TNRC18: variants seen among roughly 807,000 people sequenced by gnomAD.
TNRC18 encodes the protein trinucleotide repeat-containing gene 18 protein.
Under a neutral mutation model 226.7 loss-of-function variants are expected in TNRC18, and 69 were observed. The observed-to-expected ratio is 0.30, with a 90% CI of 0.25 to 0.37. The LOEUF is 0.37. TNRC18 is among the 10% of genes least tolerant of loss of function. The pLI, the probability that TNRC18 is intolerant of heterozygous loss-of-function variation, is 1.00. For synonymous variants in TNRC18, 2,449 were observed against 1,927.6 expected (o/e 1.27, Z -7.09); for missense variants, 4,754 against 4,256.6 (o/e 1.12, Z -3.25).
intron 18 of TNRC18, 58 bp from the exon 19 acceptor site, chr7:5,333,107 C>G (rs1583807680): frequency 6.6e-7 from 1 of 1,521,496 alleles, no homozygotes; most frequent in East Asian, 2.5e-5. Flanking sequence ...TTCCCTCCCA[C>G]CCAGCCACAT....
chr7:5,315,083 C>T lies in TNRC18; in HGVS notation c.6928G>A (p.Asp2310Asn). The change falls in exon 26 of 30, where the codon GAC becomes AAC. Residue 2310 changes from aspartate (D) to asparagine (N), a missense_variant. Asp to Asn is a conservative substitution (Grantham distance 23). Coordinates refer to ENST00000430969, the MANE Select transcript of TNRC18 (RefSeq NM_001080495.3). ...AKRRSRKTSK[D>N]TGEGKDGGTA... Reference sequence around the variant, plus strand: ...CCACCATCTTTGCCCTCCCCAGTGTCTTTGCTGGTCTTCCGGCTGCGGCGC... The same window carrying T: ...CCACCATCTTTGCCCTCCCCAGTGTTTTTGCTGGTCTTCCGGCTGCGGCGC... The T allele has an allele frequency of 6.2e-7, 1 of 1,612,820 alleles. No homozygotes were observed.
intron 2 of TNRC18, among the ~76,000 whole-genome samples, chr7:5,395,640 G>A (rs982186785): frequency 6.6e-6 from 1 of 152,244 alleles, no homozygotes; most frequent in African/African-American, 2.4e-5. Flanking sequence ...ACAAAATGGA[G>A]ATAAACATGC....
At chr7:5,410,884 A>G (rs1281342347) in intron 2 of TNRC18, among the ~76,000 whole-genome samples, 82 of 146,604 alleles carry the variant, frequency 5.6e-4, no homozygotes, top group Middle Eastern at 3.7e-3. Flanking sequence ...AAAAAAAAAA[A>G]GGGAAGAGAA....
At chr7:5,387,384 T>C (rs1337451881) in intron 5 of TNRC18, among the ~76,000 whole-genome samples, 1 of 152,240 alleles carries the variant, frequency 6.6e-6, no homozygotes, top group Non-Finnish European at 1.5e-5. Flanking sequence ...CAAGACCATC[T>C]GTTCTCAGGA....
At chr7:5,332,513 A>G (rs1562503607) in intron 19 of TNRC18, 109 bp downstream of exon 19, 20 of 1,260,832 alleles carry the variant, frequency 1.6e-5, no homozygotes, top group East Asian at 3.0e-5. Flanking sequence ...AGCCGAGTAC[A>G]TGGTTATTAA....
intron 2 of TNRC18, among the ~76,000 whole-genome samples, chr7:5,408,509 G>A (rs1040001526): frequency 6.6e-6 from 1 of 151,944 alleles, no homozygotes; most frequent in Non-Finnish European, 1.5e-5. Context: ...TTAGCCGGGT[G>A]TGGCAGCGCG....
Position 5,352,040 on chromosome 7 carries a change from C to T in TNRC18, c.5249G>A (p.Gly1750Asp), listed in dbSNP as rs1210826871. ...EFLKDEWPAQ[G>D]PSSSKLTPSL... ...AGGCGTCAGTTTGGAGCTGGAGGGG[C>T]CTTGGGCGGGCCACTCGTCCTTCAG... The change falls in exon 17 of 30, where the codon GGC becomes GAC. Residue 1750 changes from glycine to aspartate, a missense_variant. Physicochemically the swap from Gly to Asp is moderately conservative, Grantham distance 94. Transcript: ENST00000430969. 2 of 1,613,656 alleles carry T rather than the reference C, an allele frequency of 1.2e-6. No individual in the cohort carries two copies. The highest frequency in any genetic ancestry group is 2.2e-5 in the East Asian group (1 of 44,872).
At chr7:5,412,555 G>C (rs1312053337) in intron 2 of TNRC18, among the ~76,000 whole-genome samples, 1 of 151,674 alleles carries the variant, frequency 6.6e-6, no homozygotes, top group Non-Finnish European at 1.5e-5. Context: ...CAGCCTGGGA[G>C]ACAGAGCGAG....
chr7:5,386,300 A>C (rs1403531725), intron 5 of TNRC18, among the ~76,000 whole-genome samples: 4 of 151,656 alleles, frequency 2.6e-5, no homozygotes, highest in Admixed American at 6.6e-5. Context: ...AAAACAACAA[A>C]AAAAAAGTGA....
At chr7:5,347,729 T>C (rs1256186054) in intron 17 of TNRC18, among the ~76,000 whole-genome samples, 5 of 151,042 alleles carry the variant, frequency 3.3e-5, no homozygotes, top group Non-Finnish European at 5.9e-5. Context: ...GGCCAAGGCA[T>C]GTGGATCATG....
At chr7:5,361,091 C>G (rs1460404159) in intron 14 of TNRC18, among the ~76,000 whole-genome samples, 1 of 152,210 alleles carries the variant, frequency 6.6e-6, no homozygotes, top group African/African-American at 2.4e-5. Flanking sequence ...TTCAGAAAGA[C>G]CCACACAGGT....
At position 5,345,517 on chromosome 7, in the gene TNRC18, G is replaced by GCGC; in HGVS notation, c.5719+44_5719+45insGCG. On this transcript the variant is annotated intron_variant, in intron 18 of 29. Coordinates refer to ENST00000430969, the MANE Select transcript of TNRC18 (RefSeq NM_001080495.3). ...CCTGTGGGATGGGGCAATGGCGTCCGCCCCTCCCACCCACCCCCACCGCAG... is the reference window on the plus strand; with the variant it reads ...CCTGTGGGATGGGGCAATGGCGTCCGCGCCCCCTCCCACCCACCCCCACCGCAG... The GCGC allele has an allele frequency of 2.9e-5, 11 of 377,740 alleles. 1 individual carries two copies. The highest frequency in any genetic ancestry group is 1.8e-4 in the South Asian group (4 of 22,822). 23.4% of individuals were successfully genotyped at this position (377,740 alleles called of 1,614,324 possible).
chr7:5,327,692 T>C (rs1319477917), intron 19 of TNRC18, among the ~76,000 whole-genome samples: 2 of 152,186 alleles, frequency 1.3e-5, no homozygotes, highest in Admixed American at 1.3e-4. Context: ...AGTAACTGTT[T>C]CTTTCCCTTT....
At position 5,388,764 on chromosome 7, in the gene TNRC18, C is replaced by G. The variant is rs1386607434; in HGVS notation, c.1060G>C (p.Ala354Pro). The change falls in exon 5 of 30, where the codon GCC (alanine) becomes CCC (proline). Residue 354 changes from alanine to proline, a missense_variant. Transcript: ENST00000430969. ...GPPAPPAATP[A>P]GVYTVFREQG... ...TCGCGGAAGACGGTGTAGACGCCGG[C>G]GGGGGTGGCCGCGGGGGGTGCAGGA... 4 of 1,195,228 alleles carry G rather than the reference C, an allele frequency of 3.3e-6. No homozygotes were observed. Among genetic ancestry groups the G allele is most frequent in the Non-Finnish European group, 4.2e-6 (4 of 963,676 alleles). 74.0% of individuals were successfully genotyped at this position (1,195,228 alleles called of 1,614,324 possible).
At chr7:5,328,942 A>C (rs1028307067) in intron 19 of TNRC18, among the ~76,000 whole-genome samples, 38 of 152,154 alleles carry the variant, frequency 2.5e-4, no homozygotes, top group African/African-American at 9.2e-4. Context: ...GTCAGCTACA[A>C]TCACCACTGC....
rs1467761729 is a variant in TNRC18, at chr7:5,389,260, G to A, written c.564C>T (p.Gly188=). The part of the protein sequence containing the change: ...SHAPSARTPG[G]GHSSGAPAKG... ...TGGCCGGGGCGCCCGAGGAGTGGCC[G>A]CCGCCAGGGGTCCGGGCCGAGGGCG... Residue 188 remains glycine, a synonymous_variant, in exon 5 of 30, where the codon GGC becomes GGT. Transcript: ENST00000430969. 3.1e-6 allele frequency: 4 copies of A among 1,309,950 alleles called. No individual in the cohort carries two copies. Among genetic ancestry groups the A allele is most frequent in the Non-Finnish European group, 3.9e-6 (4 of 1,030,984 alleles). The allele number at this position is 1,309,950 out of a possible 1,614,324, so 81.1% of individuals were successfully genotyped here.
chr7:5,313,538 A>C lies in TNRC18; in HGVS notation c.7353T>G (p.Pro2451=). Residue 2451 remains proline, a synonymous_variant, in exon 27 of 30, where the codon CCT becomes CCG. Transcript: ENST00000430969. ...RAAEESGAKG[P]RRPGEEAELL... is the part of the protein sequence containing the mutation. ...GCTCGGCCTCCTCCCCCGGCCTCCG[A>C]GGGCCCTTGGCACCCGACTCCTCGG... 6.2e-7 allele frequency: 1 copy of C among 1,611,432 alleles called. No homozygotes were observed. The highest frequency in any genetic ancestry group is 8.5e-7 in the Non-Finnish European group (1 of 1,178,938).
At chr7:5,351,535 A>G (rs1406493065) in intron 17 of TNRC18, among the ~76,000 whole-genome samples, 9 of 152,162 alleles carry the variant, frequency 5.9e-5, no homozygotes, top group African/African-American at 2.2e-4. Flanking sequence ...GGGCAAGTGG[A>G]GAGAAACGCA....
At chr7:5,392,511 G>C (rs980199155) in intron 3 of TNRC18, among the ~76,000 whole-genome samples, 5 of 152,220 alleles carry the variant, frequency 3.3e-5, no homozygotes, top group African/African-American at 9.6e-5. Context: ...CTACTCAGGA[G>C]GCTGAGGCAG....
Sources: allele counts gnomAD v4.1 joint callset (sites outside exome capture counted in the v4.1 genomes callset), GRCh38; gene constraint gnomAD v4.1.1; transcripts MANE v1.5; gene names NCBI Gene and HGNC (gene_info 2026-07-23, HGNC 2026-07-21).